The following CDH20 variants were observed in gnomAD, a reference collection of about 807,000 sequenced individuals.
CDH20 encodes cadherin-20.
A neutral mutation model predicts 74.2 loss-of-function variants in CDH20; 29 were observed. The observed-to-expected ratio is 0.39, with a 90% CI of 0.29 to 0.53. CDH20 has a LOEUF of 0.53. Ranked by LOEUF, CDH20 falls within the 20% of genes least tolerant of loss-of-function variation. The pLI, the probability that CDH20 is intolerant of heterozygous loss-of-function variation, is 0.69. For missense variants in CDH20, 988 were observed against 1,048.3 expected (o/e 0.94, Z 0.79); for synonymous variants, 469 against 405.4 (o/e 1.16, Z -1.88).
At chr18:61,550,606 C>A (rs1913400207) in intron 11 of CDH20, among the ~76,000 whole-genome samples, 1 of 152,126 alleles carries the variant, frequency 6.6e-6, no homozygotes, top group Admixed American at 6.5e-5. Context: ...CTCTTCTAAC[C>A]CCTTCATTTA....
intron 1 of CDH20, among the ~76,000 whole-genome samples, chr18:61,433,876 G>C (rs985326834): frequency 6.6e-6 from 1 of 152,086 alleles, no homozygotes; most frequent in Non-Finnish European, 1.5e-5. Flanking sequence ...TATAGAAAAT[G>C]TCACTTCTGT....
intron 1 of CDH20, among the ~76,000 whole-genome samples, chr18:61,452,528 T>C (rs1214058472): frequency 6.6e-6 from 1 of 152,214 alleles, no homozygotes; most frequent in Non-Finnish European, 1.5e-5. Flanking sequence ...AAGTGAGTTC[T>C]TGAATCCCAA....
chr18:61,440,601 A>C (rs910994477), intron 1 of CDH20, among the ~76,000 whole-genome samples: 1 of 152,236 alleles, frequency 6.6e-6, no homozygotes, highest in Non-Finnish European at 1.5e-5. Flanking sequence ...AGCTGGGTTC[A>C]GTGAAACTCA....
intron 1 of CDH20, among the ~76,000 whole-genome samples, chr18:61,390,875 G>A (rs559926559): frequency 4.3e-4 from 66 of 152,114 alleles, no homozygotes; most frequent in African/African-American, 1.5e-3. Flanking sequence ...AGAAAATATA[G>A]CATTGGAAAA....
intron 1 of CDH20, among the ~76,000 whole-genome samples, chr18:61,420,504 C>T (rs536091864): frequency 6.6e-6 from 1 of 152,134 alleles, no homozygotes; most frequent in African/African-American, 2.4e-5. Flanking sequence ...ATGCGTGGTA[C>T]CCACAGTCTA....
Position 61,436,668 on chromosome 18 carries a change from A to AT in CDH20, c.-152-53729dup, listed in dbSNP as rs548760379. Among the ~76,000 whole-genome samples the AT allele has an allele frequency of 1.8e-4, 28 of 152,210 alleles. No individual in the cohort carries two copies. In the South Asian group the frequency reaches 5.6e-3, roughly 30 times the overall value. ...CAAATAAAGTATTTCTATTTGTGGG[A>AT]TTTTTAGGCACTGTGGCATTAGGTA... is the stretch of plus-strand genomic sequence containing the variant. On this transcript the variant is annotated intron_variant, in intron 1 of 11. Transcript: ENST00000262717.
At chr18:61,441,156 A>G (rs949219324) in intron 1 of CDH20, among the ~76,000 whole-genome samples, 1 of 152,162 alleles carries the variant, frequency 6.6e-6, no homozygotes, top group Non-Finnish European at 1.5e-5. Flanking sequence ...TCCCTATGAT[A>G]TAATAGCCCT....
intron 1 of CDH20, among the ~76,000 whole-genome samples, chr18:61,448,645 C>T (rs1379602209): frequency 1.3e-5 from 2 of 152,120 alleles, no homozygotes; most frequent in African/African-American, 4.8e-5. Context: ...CTTATTTGAA[C>T]AAAACTCCTT....
intron 1 of CDH20, among the ~76,000 whole-genome samples, chr18:61,372,987 A>C (rs955552163): frequency 6.6e-6 from 1 of 152,120 alleles, no homozygotes; most frequent in African/African-American, 2.4e-5. Context: ...AGGGACCAAA[A>C]GGAGGCTGAA....
intron 1 of CDH20, among the ~76,000 whole-genome samples, chr18:61,412,640 TC>T (rs1912551964): frequency 6.6e-6 from 1 of 152,034 alleles, no homozygotes; most frequent in African/African-American, 2.4e-5. Context: ...GGATGTGGAA[TC>T]AAAAAAGATT....
intron 10 of CDH20, 132 bp downstream of exon 10, chr18:61,545,276 GTA>G (rs1913203439): frequency 9.1e-6 from 5 of 551,540 alleles, no homozygotes; most frequent in African/African-American, 2.7e-5. Flanking sequence ...ATAATTCAGT[GTA>G]TTTTTTTTTT....
intron 1 of CDH20, among the ~76,000 whole-genome samples, chr18:61,377,870 A>AGACTGGTTCTATTACTAACT (rs1327700182): frequency 5.3e-5 from 8 of 152,130 alleles, no homozygotes; most frequent in African/African-American, 1.9e-4. Flanking sequence ...TAACTCTTAT[A>AGACTGGTTCTATTACTAACT]CTAATTAGAC....
intron 1 of CDH20, among the ~76,000 whole-genome samples, chr18:61,473,161 T>G (rs1471382711): frequency 6.6e-6 from 1 of 152,254 alleles, no homozygotes; most frequent in Admixed American, 6.5e-5. Flanking sequence ...GTGAATGTCT[T>G]GTTTTGAAAC....
At chr18:61,354,042 A>G (rs1488824858) in intron 1 of CDH20, among the ~76,000 whole-genome samples, 1 of 2,470 alleles carries the variant, frequency 4.0e-4, no homozygotes, top group Non-Finnish European at 1.6e-3. Flanking sequence ...AGACCCTGTC[A>G]AAAAAAAAAA....
intron 1 of CDH20, among the ~76,000 whole-genome samples, chr18:61,469,364 T>TACAC (rs35516738): frequency 0.1 from 14,596 of 142,258 alleles, 735 homozygotes; most frequent in Non-Finnish European, 0.12. Flanking sequence ...TGAGAATGAA[T>TACAC]ACACACACAC....
At chr18:61,551,553 G>A (rs1913433388) in intron 11 of CDH20, among the ~76,000 whole-genome samples, 1 of 152,204 alleles carries the variant, frequency 6.6e-6, no homozygotes, top group South Asian at 2.1e-4. Context: ...TGTTGTTTTA[G>A]TTCAGTCCTA....
intron 1 of CDH20, among the ~76,000 whole-genome samples, chr18:61,394,781 G>C (rs778325742): frequency 6.6e-6 from 1 of 152,004 alleles, no homozygotes; most frequent in Non-Finnish European, 1.5e-5. Context: ...CGCTGCCAGA[G>C]GGCCGAGCCC....
chr18:61,528,123 G>C lies in CDH20; in HGVS notation c.1174G>C (p.Gly392Arg). The change falls in exon 7 of 12, where the codon GGC becomes CGC. Residue 392 changes from glycine (G) to arginine (R), a missense_variant. Physicochemically the swap from Gly to Arg is moderately radical, Grantham distance 125. Around this residue, in one of 2 missense-constraint regions of CDH20, gnomAD observed 613 missense variants for 755.2 expected, o/e 0.81. Transcript: ENST00000262717. ...DVDEPPVFEPGFYFVEVPEDV... is the reference protein window; with the variant it reads ...DVDEPPVFEPRFYFVEVPEDV... ...GGACGAGCCCCCTGTGTTTGAACCT[G>C]GCTTTTACTTTGTGGAGGTGCCTGA... The C allele has an allele frequency of 1.9e-6, 3 of 1,614,100 alleles. No individual in the cohort carries two copies. The highest frequency in any genetic ancestry group is 2.5e-6 in the Non-Finnish European group (3 of 1,180,018).
chr18:61,367,794 A>G (rs1418789898), intron 1 of CDH20, among the ~76,000 whole-genome samples: 2 of 152,088 alleles, frequency 1.3e-5, no homozygotes, highest in African/African-American at 2.4e-5. Flanking sequence ...CAACCTCCAG[A>G]CTTCTGGGTG....
Sources: allele counts gnomAD v4.1 joint callset (sites outside exome capture counted in the v4.1 genomes callset), GRCh38; gene constraint gnomAD v4.1.1; regional missense constraint gnomAD v4.1.1; transcripts MANE v1.5; gene names NCBI Gene and HGNC (gene_info 2026-07-23, HGNC 2026-07-21).